Variants in FAM151B observed in about 807,000 individuals in gnomAD.
The protein encoded by FAM151B is family with sequence similarity 151 member B.
FAM151B carries 24 observed loss-of-function variants against 31.2 expected under a neutral mutation model. The observed-to-expected ratio is 0.77, with a 90% CI of 0.56 to 1.08. FAM151B has a LOEUF of 1.08. Among genes scored for constraint, FAM151B ranks in the 50% least tolerant of loss-of-function variants. The probability of loss-of-function intolerance (pLI) is 0.00; values close to 1 mark genes in which losing one functional copy is unlikely to be tolerated. For missense variants in FAM151B, 293 were observed against 328.6 expected (o/e 0.89, Z 0.84); for synonymous variants, 105 against 111.4 (o/e 0.94, Z 0.36).
chr5:80,489,523 A>G (rs1399494934), intron 1 of FAM151B, among the ~76,000 whole-genome samples: 1 of 152,254 alleles, frequency 6.6e-6, no homozygotes, highest in African/African-American at 2.4e-5. Flanking sequence ...CACAGGCTGT[A>G]TAAATCCAGA....
At chr5:80,520,778 G>A (rs1263789299) in intron 4 of FAM151B, among the ~76,000 whole-genome samples, 1 of 142,076 alleles carries the variant, frequency 7.0e-6, no homozygotes, top group Non-Finnish European at 1.5e-5. Context: ...TTTTTTTCAA[G>A]CTATTTAGAA....
intron 1 of FAM151B, among the ~76,000 whole-genome samples, chr5:80,490,679 T>C (rs934435776): frequency 1.3e-5 from 2 of 152,260 alleles, no homozygotes; most frequent in African/African-American, 4.8e-5. Context: ...GACCCTCTTA[T>C]GTCTAGCTTC....
At chr5:80,494,615 C>T (rs934014732) in intron 1 of FAM151B, among the ~76,000 whole-genome samples, 2 of 151,676 alleles carry the variant, frequency 1.3e-5, no homozygotes, top group African/African-American at 4.9e-5. Context: ...TGGGTTCAAT[C>T]GATCCTCCCA....
intron 5 of FAM151B, 176 bp downstream of exon 5, chr5:80,522,314 A>G: frequency 1.9e-6 from 1 of 540,006 alleles, no homozygotes; most frequent in South Asian, 5.4e-5. Flanking sequence ...TCCTTGATGA[A>G]CCTTAACTTA....
intron 5 of FAM151B, among the ~76,000 whole-genome samples, chr5:80,538,448 C>CTTTCTTTCTTTCTTTCTCTCTCTCTCTT (rs1235874356): frequency 2.0e-5 from 1 of 49,348 alleles, no homozygotes. Context: ...TTCTTTCTTT[C>CTTTCTTTCTTTCTTTCTCTCTCTCTCTT]TCTTTCTTTC....
intron 5 of FAM151B, among the ~76,000 whole-genome samples, chr5:80,524,312 A>G (rs1744855520): frequency 1.3e-5 from 2 of 152,172 alleles, no homozygotes; most frequent in Non-Finnish European, 2.9e-5. Context: ...ATGATGTCAC[A>G]TTGATTTTCA....
At chr5:80,533,039 G>A (rs531501732) in intron 5 of FAM151B, among the ~76,000 whole-genome samples, 2 of 152,170 alleles carry the variant, frequency 1.3e-5, no homozygotes, top group East Asian at 1.9e-4. Flanking sequence ...TGCCTACATC[G>A]AAAATTTTTA....
At chr5:80,516,583 G>T (rs73769124) in intron 3 of FAM151B, among the ~76,000 whole-genome samples, 1 of 152,220 alleles carries the variant, frequency 6.6e-6, no homozygotes, top group African/African-American at 2.4e-5. Context: ...ATTCTTTTCA[G>T]GAGACTTAAA....
intron 4 of FAM151B, among the ~76,000 whole-genome samples, chr5:80,520,766 C>T (rs1481286771): frequency 7.2e-6 from 1 of 139,620 alleles, no homozygotes; most frequent in African/African-American, 2.6e-5. Context: ...TACATAGATA[C>T]TTTTTTTTCA....
chr5:80,532,781 T>C (rs1189973316), intron 5 of FAM151B, among the ~76,000 whole-genome samples: 4 of 152,162 alleles, frequency 2.6e-5, no homozygotes, highest in Admixed American at 1.3e-4. Context: ...ATTCAATAAA[T>C]TGAAATAATA....
intron 2 of FAM151B, among the ~76,000 whole-genome samples, chr5:80,504,869 C>T (rs1487028006): frequency 6.6e-6 from 1 of 152,100 alleles, no homozygotes; most frequent in Non-Finnish European, 1.5e-5. Flanking sequence ...ACCTACAACC[C>T]CCTTCCCCAA....
chr5:80,537,486 C>T (rs1161031198), intron 5 of FAM151B, among the ~76,000 whole-genome samples: 3 of 152,276 alleles, frequency 2.0e-5, no homozygotes, highest in Middle Eastern at 3.4e-3. Context: ...AATGTCGTAG[C>T]GGAGTCTTTC....
At chr5:80,494,850 AT>A (rs58757443) in intron 1 of FAM151B, among the ~76,000 whole-genome samples, 3,231 of 152,224 alleles carry the variant, frequency 0.021, 117 homozygotes, top group African/African-American at 0.073. Flanking sequence ...ACAGCCTTCT[AT>A]TGTAAGAAGA....
intron 5 of FAM151B, among the ~76,000 whole-genome samples, chr5:80,533,259 C>A (rs1486254307): frequency 6.6e-6 from 1 of 151,934 alleles, no homozygotes; most frequent in African/African-American, 2.4e-5. Context: ...TGCCTGTAGT[C>A]CCAGCTACTC....
chr5:80,519,466 A>G (rs1258222791), intron 3 of FAM151B, among the ~76,000 whole-genome samples: 2 of 152,210 alleles, frequency 1.3e-5, no homozygotes, highest in African/African-American at 2.4e-5. Context: ...TCATATATTT[A>G]TAGACTCTTT....
In FAM151B at chr5:80,541,827, C is replaced by A; in HGVS notation, c.826C>A (p.Leu276Ile). Residue 276 changes from leucine (L) to isoleucine (I), a missense_variant, in exon 6 of 6, where the codon CTC becomes ATC. Coordinates refer to ENST00000282226, the MANE Select transcript of FAM151B (RefSeq NM_205548.3). ...FKQAIGIKVNL is the reference protein window; with the variant it reads ...FKQAIGIKVNI ...ACAAGCCATTGGAATCAAAGTTAATCTCTAAGAAGAAGATTCTCAATTATT... is the reference window on the plus strand; with the variant it reads ...ACAAGCCATTGGAATCAAAGTTAATATCTAAGAAGAAGATTCTCAATTATT... 6.2e-7 allele frequency: 1 copy of A among 1,611,280 alleles called. No individual in the cohort carries two copies. The highest frequency in any genetic ancestry group is 1.1e-5 in the South Asian group (1 of 90,396).
At chr5:80,519,088 A>G (rs1030310816) in intron 3 of FAM151B, among the ~76,000 whole-genome samples, 1 of 152,206 alleles carries the variant, frequency 6.6e-6, no homozygotes, top group Non-Finnish European at 1.5e-5. Flanking sequence ...CGTATTTCTA[A>G]TTTTCAGAAA....
intron 1 of FAM151B, among the ~76,000 whole-genome samples, chr5:80,495,865 A>G (rs1580410195): frequency 6.8e-6 from 1 of 146,970 alleles, no homozygotes; most frequent in South Asian, 2.2e-4. Flanking sequence ...AAAAAGAACT[A>G]GTAAGAGAAC....
At chr5:80,522,346 C>A (rs1744758616) in intron 5 of FAM151B, 1 of 435,328 alleles carries the variant, frequency 2.3e-6, no homozygotes, top group East Asian at 3.4e-5. Flanking sequence ...ATATTTTACC[C>A]CTATTCCTCA....
Sources: gnomAD v4.1 joint callset for allele counts (sites outside exome capture counted in the v4.1 genomes callset) on GRCh38, gnomAD v4.1.1 for gene constraint, MANE v1.5 for transcripts, NCBI Gene and HGNC (gene_info 2026-07-23, HGNC 2026-07-21) for gene names.